The following DRG1 variants were observed in gnomAD, a reference collection of about 807,000 sequenced individuals.
DRG1 encodes the protein developmentally regulated GTP binding protein 1.
A neutral mutation model predicts 38.8 loss-of-function variants in DRG1; 19 were observed. The ratio of observed to expected loss-of-function variants is 0.49; its 90% CI spans 0.34 to 0.72. The LOEUF is 0.72. DRG1 is among the 30% of genes least tolerant of loss of function. The probability of loss-of-function intolerance (pLI) is 0.01; values close to 1 mark genes in which losing one functional copy is unlikely to be tolerated. For missense variants in DRG1, 299 were observed against 444.8 expected, an observed-to-expected ratio of 0.67 and a Z score of 2.95; for synonymous variants, 167 against 157.5, an observed-to-expected ratio of 1.06 and a Z score of -0.45.
intron 4 of DRG1, among the ~76,000 whole-genome samples, chr22:31,417,257 G>A (rs1293443703): frequency 6.6e-6 from 1 of 151,876 alleles, no homozygotes; most frequent in East Asian, 1.9e-4. Flanking sequence ...GTAGTCCCAA[G>A]CTGCTCGGGA....
chr22:31,414,785 T>C (rs1025231506), intron 4 of DRG1, among the ~76,000 whole-genome samples: 3 of 149,066 alleles, frequency 2.0e-5, no homozygotes, highest in Non-Finnish European at 2.9e-5. Context: ...ATTTTCTTTT[T>C]TTTTTTTTTT....
intron 4 of DRG1, 22 bp downstream of exon 4, chr22:31,411,103 A>C: frequency 6.2e-7 from 1 of 1,611,860 alleles, no homozygotes; most frequent in Non-Finnish European, 8.5e-7. Flanking sequence ...AAGTGCCACC[A>C]TCCTGGGATA....
chr22:31,424,801 C>CG (rs1419220272), intron 6 of DRG1, among the ~76,000 whole-genome samples: 2 of 8,874 alleles, frequency 2.3e-4, no homozygotes, highest in South Asian at 0.012. Flanking sequence ...CCGGCACCCG[C>CG]CCCCCCCCCC....
At chr22:31,420,954 T>C (rs148458781) in intron 5 of DRG1, among the ~76,000 whole-genome samples, 443 of 152,220 alleles carry the variant, frequency 2.9e-3, no homozygotes, top group African/African-American at 0.01. Context: ...TTTAAGAACG[T>C]TGGTCAGGGA....
chr22:31,426,034 T>C (rs1485156601), intron 6 of DRG1, among the ~76,000 whole-genome samples: 1 of 152,236 alleles, frequency 6.6e-6, no homozygotes, highest in East Asian at 1.9e-4. Flanking sequence ...TTACCAATAT[T>C]ATTTATTGTA....
chr22:31,413,349 C>T (rs2050028209), intron 4 of DRG1, among the ~76,000 whole-genome samples: 2 of 151,902 alleles, frequency 1.3e-5, no homozygotes. Context: ...CTGCCTTGAC[C>T]TCCCAAAGTG....
chr22:31,425,775 A>C (rs2050106591), intron 6 of DRG1, among the ~76,000 whole-genome samples: 1 of 152,208 alleles, frequency 6.6e-6, no homozygotes, highest in African/African-American at 2.4e-5. Flanking sequence ...AAGTTAAGTC[A>C]CTGTTAAAAT....
chr22:31,399,650 G>T lies in DRG1; in HGVS notation c.-34G>T. On this transcript the variant is annotated 5_prime_UTR_variant, in exon 1 of 9. Transcript: ENST00000331457. The stretch of plus-strand genomic sequence containing the variant: ...CAGTTTGCCCGCGGGTGTGTGAAGG[G>T]AGACAGTGTGGAGGCCACAGGGTAC... 6.2e-7 allele frequency: 1 copy of T among 1,614,018 alleles called. No individual in the cohort carries two copies. Among genetic ancestry groups the T allele is most frequent in the Non-Finnish European group, 8.5e-7 (1 of 1,179,878 alleles).
intron 4 of DRG1, among the ~76,000 whole-genome samples, chr22:31,413,580 A>G (rs78603226): frequency 0.022 from 1,324 of 59,182 alleles, 15 homozygotes; most frequent in Non-Finnish European, 0.038. Context: ...TGGATGCATT[A>G]TTTTCTCTTA....
chr22:31,433,833 T>C, intron 8 of DRG1, 39 bp from the exon 9 acceptor site: 1 of 1,590,672 alleles, frequency 6.3e-7, no homozygotes, highest in South Asian at 1.1e-5. Context: ...GAAGCTAGGT[T>C]ATTATTTACA....
At chr22:31,420,503 C>T in intron 5 of DRG1, 78 bp downstream of exon 5, 1 of 1,545,812 alleles carries the variant, frequency 6.5e-7, no homozygotes, top group Non-Finnish European at 8.8e-7. Flanking sequence ...TGGACCCTGA[C>T]ATTGGAAAAT....
In DRG1 at chr22:31,403,194, C is replaced by T. The variant is rs769880372; in HGVS notation, c.332C>T (p.Ala111Val). Residue 111 changes from alanine to valine, a missense_variant, in exon 3 of 9, where the codon GCC becomes GTC. Around this residue, in one of 3 missense-constraint regions of DRG1, gnomAD observed 50 missense variants for 120.6 expected, o/e 0.41. Coordinates refer to ENST00000331457, the MANE Select transcript of DRG1 (RefSeq NM_004147.4). ...CCTGGTGTCATCAGATACAAAGGTG[C>T]CAAGATCCAGGTGAGTCAAGCCTGC... is the stretch of plus-strand genomic sequence containing the variant. The part of the protein sequence containing the change: ...TVPGVIRYKG[A>V]KIQLLDLPGI... 1 of 1,608,170 alleles carries T rather than the reference C, an allele frequency of 6.2e-7. No individual in the cohort carries two copies. The highest frequency in any genetic ancestry group is 8.5e-7 in the Non-Finnish European group (1 of 1,177,692).
In DRG1 at chr22:31,399,658, G is replaced by A; in HGVS notation, c.-26G>A. Reference sequence around the variant, plus strand: ...CCGCGGGTGTGTGAAGGGAGACAGTGTGGAGGCCACAGGGTACTCGCCACG... The same window carrying A: ...CCGCGGGTGTGTGAAGGGAGACAGTATGGAGGCCACAGGGTACTCGCCACG... On this transcript the variant is annotated 5_prime_UTR_variant, in exon 1 of 9. It adds an upstream start codon to the 5' untranslated region. Coordinates refer to ENST00000331457, the MANE Select transcript of DRG1 (RefSeq NM_004147.4). 1 of 1,614,028 alleles carries A rather than the reference G, an allele frequency of 6.2e-7. No individual in the cohort carries two copies. Among genetic ancestry groups the A allele is most frequent in the Non-Finnish European group, 8.5e-7 (1 of 1,179,872 alleles).
chr22:31,424,256 A>G (rs1055707442), intron 6 of DRG1, among the ~76,000 whole-genome samples: 1 of 151,432 alleles, frequency 6.6e-6, no homozygotes, highest in Non-Finnish European at 1.5e-5. Context: ...GGTTCAAGCG[A>G]TTCTGCTGCC....
At chr22:31,403,977 C>CGTT (rs1569044983) in intron 3 of DRG1, among the ~76,000 whole-genome samples, 1 of 81,804 alleles carries the variant, frequency 1.2e-5, no homozygotes, top group Non-Finnish European at 2.3e-5. Flanking sequence ...AAGAGAATAA[C>CGTT]TTTTTTTTTT....
intron 8 of DRG1, among the ~76,000 whole-genome samples, chr22:31,431,593 T>C (rs1279208412): frequency 6.6e-6 from 1 of 151,868 alleles, no homozygotes; most frequent in East Asian, 1.9e-4. Flanking sequence ...GCCCAGGAGG[T>C]TGACATTGCA....
intron 4 of DRG1, among the ~76,000 whole-genome samples, chr22:31,415,724 G>A (rs2050041098): frequency 6.6e-6 from 1 of 151,930 alleles, no homozygotes; most frequent in East Asian, 1.9e-4. Flanking sequence ...CTTTCCTTAG[G>A]TCTTAGATAT....
intron 8 of DRG1, among the ~76,000 whole-genome samples, chr22:31,432,679 GC>G (rs1417890120): frequency 6.6e-6 from 1 of 151,900 alleles, no homozygotes; most frequent in Non-Finnish European, 1.5e-5. Flanking sequence ...GCCCGCCTGG[GC>G]CTCCCAAATG....
At chr22:31,412,524 T>C (rs1393557323) in intron 4 of DRG1, among the ~76,000 whole-genome samples, 2 of 151,308 alleles carry the variant, frequency 1.3e-5, no homozygotes, top group Non-Finnish European at 2.9e-5. Flanking sequence ...CTATTTTTTG[T>C]ATTTTTAGTA....
Sources: allele counts gnomAD v4.1 joint callset (sites outside exome capture counted in the v4.1 genomes callset), GRCh38; gene constraint gnomAD v4.1.1; regional missense constraint gnomAD v4.1.1; transcripts MANE v1.5; gene names NCBI Gene and HGNC (gene_info 2026-07-23, HGNC 2026-07-21).